The following SOX5 variants were observed in gnomAD, a reference collection of about 807,000 sequenced individuals.
SOX5 encodes SRY-box transcription factor 5.
SOX5 carries 9 observed loss-of-function variants against 92.0 expected under a neutral mutation model. The observed-to-expected ratio is 0.10, with a 90% confidence interval of 0.06 to 0.17. The LOEUF is 0.17. SOX5 is among the 10% of genes least tolerant of loss of function. The probability of loss-of-function intolerance (pLI) is 1.00; values close to 1 mark genes in which losing one functional copy is unlikely to be tolerated. For synonymous variants in SOX5, 344 were observed against 336.3 expected (o/e 1.02, Z -0.25); for missense variants, 642 against 944.5 (o/e 0.68, Z 4.20).
At chr12:24,013,609 G>A (rs932774477) in intron 4 of SOX5, among the ~76,000 whole-genome samples, 1 of 152,096 alleles carries the variant, frequency 6.6e-6, no homozygotes, top group African/African-American at 2.4e-5. Context: ...AGACCCTTGC[G>A]GAGGGTCTGC....
chr12:24,310,886 C>T (rs189252090), intron 2 of SOX5, among the ~76,000 whole-genome samples: 38 of 151,446 alleles, frequency 2.5e-4, no homozygotes, highest in Non-Finnish European at 7.4e-5. Context: ...AAAAAGTATA[C>T]TTCCATATTT....
intron 3 of SOX5, among the ~76,000 whole-genome samples, chr12:23,823,572 T>C (rs1191458994): frequency 6.6e-6 from 1 of 152,212 alleles, no homozygotes; most frequent in East Asian, 1.9e-4. Flanking sequence ...TCAACCTTGA[T>C]GAATCTGACG....
chr12:23,563,147 G>A, intron 11 of SOX5, 111 bp downstream of exon 11: 1 of 892,328 alleles, frequency 1.1e-6, no homozygotes, highest in Admixed American at 2.5e-5. Flanking sequence ...GGAGAAAAGG[G>A]ACAGAGAATC....
intron 1 of SOX5, among the ~76,000 whole-genome samples, chr12:24,433,169 G>T (rs1336864504): frequency 1.3e-5 from 2 of 152,136 alleles, no homozygotes; most frequent in African/African-American, 2.4e-5. Flanking sequence ...TGATTTTATG[G>T]CTTACAGTAT....
In SOX5 at chr12:23,740,939, C is replaced by T. The variant is rs1415316431; in HGVS notation, c.669G>A (p.Gln223=). 3.1e-6 allele frequency: 5 copies of T among 1,613,276 alleles called. No individual in the cohort carries two copies. The highest frequency in any genetic ancestry group is 2.2e-5 in the East Asian group (1 of 44,838). ...REQLLAAHDE[Q]KKLAASQIEK... ...CAATCTGAGAGGCAGCTAGTTTCTT[C>T]TGCTCATCGTGGGCAGCCAACAGCT... is the stretch of plus-strand genomic sequence containing the variant. Residue 223 remains glutamine, a synonymous_variant, in exon 5 of 15, where the codon CAG becomes CAA. Transcript: ENST00000451604.
intron 2 of SOX5, among the ~76,000 whole-genome samples, chr12:24,333,888 T>G (rs1951608799): frequency 6.7e-6 from 1 of 149,684 alleles, no homozygotes. Flanking sequence ...AGAAACATCT[T>G]GAATAAGATT....
intron 1 of SOX5, among the ~76,000 whole-genome samples, chr12:24,460,252 A>C (rs1376537494): frequency 6.6e-6 from 1 of 152,230 alleles, no homozygotes; most frequent in African/African-American, 2.4e-5. Flanking sequence ...TCCAACCTAA[A>C]GGCTGTCTCT....
At chr12:23,774,374 G>C (rs188982810) in intron 3 of SOX5, among the ~76,000 whole-genome samples, 1 of 152,104 alleles carries the variant, frequency 6.6e-6, no homozygotes, top group South Asian at 2.1e-4. Flanking sequence ...ATTGTAAGTG[G>C]CACTAGCCAG....
At chr12:23,736,312 A>T (rs901746324) in intron 5 of SOX5, among the ~76,000 whole-genome samples, 19 of 151,962 alleles carry the variant, frequency 1.3e-4, no homozygotes, top group Non-Finnish European at 2.2e-4. Flanking sequence ...ATACAAAAAA[A>T]TTAGCCAGGC....
chr12:24,208,169 C>T (rs1449699871), intron 4 of SOX5, among the ~76,000 whole-genome samples: 2 of 152,140 alleles, frequency 1.3e-5, no homozygotes, highest in African/African-American at 4.8e-5. Context: ...CTTTCCTGAA[C>T]TCTTACTTCA....
At chr12:23,743,087 G>A (rs1039680878) in intron 4 of SOX5, among the ~76,000 whole-genome samples, 2 of 152,046 alleles carry the variant, frequency 1.3e-5, no homozygotes, top group Admixed American at 6.6e-5. Flanking sequence ...ATGGTATTTT[G>A]TAACCATAAA....
chr12:24,241,397 C>T (rs1965531485), intron 3 of SOX5, among the ~76,000 whole-genome samples: 2 of 152,168 alleles, frequency 1.3e-5, no homozygotes, highest in Admixed American at 6.6e-5. Context: ...AGAATACTTT[C>T]TCTAAATAAG....
intron 1 of SOX5, among the ~76,000 whole-genome samples, chr12:24,385,743 G>T (rs1179899560): frequency 2.6e-5 from 4 of 151,956 alleles, no homozygotes; most frequent in African/African-American, 7.3e-5. Context: ...TTTGAGACCA[G>T]CAGGGGCAAC....
chr12:24,048,970 C>T (rs1225955960), intron 4 of SOX5, among the ~76,000 whole-genome samples: 1 of 152,046 alleles, frequency 6.6e-6, no homozygotes, highest in Non-Finnish European at 1.5e-5. Flanking sequence ...ATGAATAATA[C>T]TAAAAAAACC....
At chr12:24,038,140 A>G (rs925058699) in intron 4 of SOX5, among the ~76,000 whole-genome samples, 1 of 152,184 alleles carries the variant, frequency 6.6e-6, no homozygotes, top group Non-Finnish European at 1.5e-5. Flanking sequence ...ACCAAAATTA[A>G]CACAGGAAGA....
At chr12:24,503,352 C>T (rs754751316) in intron 1 of SOX5, among the ~76,000 whole-genome samples, 9 of 152,152 alleles carry the variant, frequency 5.9e-5, no homozygotes, top group Non-Finnish European at 1.2e-4. Context: ...AGCAATGACG[C>T]ATGACCACAT....
intron 4 of SOX5, among the ~76,000 whole-genome samples, chr12:24,091,447 T>TTTTTTTTA (rs71059972): frequency 7.1e-6 from 1 of 141,394 alleles, no homozygotes; most frequent in African/African-American, 2.6e-5. Context: ...TTTTTTTTTT[T>TTTTTTTTA]GAGATGGAGT....
At chr12:24,115,721 T>TTA (rs1947916315) in intron 4 of SOX5, among the ~76,000 whole-genome samples, 2 of 152,104 alleles carry the variant, frequency 1.3e-5, no homozygotes, top group African/African-American at 4.8e-5. Flanking sequence ...CTCAAAAAGG[T>TTA]TATATATACA....
chr12:24,448,923 G>T (rs1214406992), intron 1 of SOX5, among the ~76,000 whole-genome samples: 1 of 151,812 alleles, frequency 6.6e-6, no homozygotes, highest in African/African-American at 2.4e-5. Flanking sequence ...ATCCAAACCT[G>T]CACCTCCCTC....
Sources: allele counts gnomAD v4.1 joint callset (sites outside exome capture counted in the v4.1 genomes callset), GRCh38; gene constraint gnomAD v4.1.1; transcripts MANE v1.5; gene names NCBI Gene and HGNC (gene_info 2026-07-23, HGNC 2026-07-21).